LDLRAD3: variants seen among roughly 807,000 people sequenced by gnomAD.
LDLRAD3 encodes low density lipoprotein receptor class A domain containing 3.
In LDLRAD3, 20 loss-of-function variants were observed where a neutral mutation model predicts 29.4. That is an observed-to-expected ratio of 0.68 (90% CI 0.48 to 0.99). The LOEUF (loss-of-function observed/expected upper bound fraction) is 0.99, where lower values mean the gene tolerates loss of function less well. Among genes scored for constraint, LDLRAD3 ranks in the 50% least tolerant of loss-of-function variants. The pLI is 0.00. For missense variants in LDLRAD3, 420 were observed against 454.3 expected (o/e 0.92, Z 0.69); for synonymous variants, 157 against 192.7 (o/e 0.81, Z 1.53).
intron 4 of LDLRAD3, among the ~76,000 whole-genome samples, chr11:36,185,652 G>A (rs559300250): frequency 1.6e-4 from 25 of 152,244 alleles, no homozygotes; most frequent in African/African-American, 6.0e-4. Context: ...GGATTAATTG[G>A]CCTCTCGAGG....
chr11:36,182,830 ATTCCTGGAATGACTGGGGGCTGTGTGTCT>A (rs1164743054), intron 4 of LDLRAD3, among the ~76,000 whole-genome samples: 33 of 152,204 alleles, frequency 2.2e-4, no homozygotes, highest in Non-Finnish European at 4.6e-4. Context: ...TTGGGAAGGC[ATTCCTGGAATGACTGGGGGCTGTGTGTCT>A]CAGTTTAATA....
At chr11:36,149,614 G>T (rs1854247398) in intron 4 of LDLRAD3, among the ~76,000 whole-genome samples, 1 of 152,200 alleles carries the variant, frequency 6.6e-6, no homozygotes, top group Non-Finnish European at 1.5e-5. Flanking sequence ...AAATGTCAGA[G>T]CTGTGAGTCT....
rs114782392 is a variant in LDLRAD3, at chr11:36,042,876, A to G, written c.193+6627A>G. Among the ~76,000 whole-genome samples, 554 of 152,312 alleles carry G rather than the reference A, an allele frequency of 3.6e-3. 4 individuals carry two copies. The highest frequency in any genetic ancestry group is 0.013 in the African/African-American group (540 of 41,580). The stretch of plus-strand genomic sequence containing the variant: ...CCCCCAGAGGGAATCAACCCTGCTA[A>G]CACCTTGATTTCAGACTCCTGGCCA... On this transcript the variant is annotated intron_variant, in intron 2 of 5. Coordinates refer to ENST00000315571, the MANE Select transcript of LDLRAD3 (RefSeq NM_174902.4).
chr11:36,199,143 G>A (rs1026048111), intron 4 of LDLRAD3, among the ~76,000 whole-genome samples: 9 of 151,876 alleles, frequency 5.9e-5, no homozygotes, highest in Middle Eastern at 3.2e-3. Context: ...CTCGTGATCC[G>A]CCCACCTTGG....
intron 4 of LDLRAD3, among the ~76,000 whole-genome samples, chr11:36,145,858 A>G (rs1030906165): frequency 1.3e-5 from 2 of 151,832 alleles, no homozygotes; most frequent in Non-Finnish European, 2.9e-5. Context: ...ACCCAGGGAC[A>G]CAAACACTGC....
chr11:36,203,308 A>G (rs925790906), intron 4 of LDLRAD3, among the ~76,000 whole-genome samples: 25 of 152,186 alleles, frequency 1.6e-4, no homozygotes, highest in African/African-American at 5.6e-4. Context: ...TGATCTTCAC[A>G]AACACCTCAT....
At chr11:36,031,868 C>A (rs1248753494) in intron 1 of LDLRAD3, among the ~76,000 whole-genome samples, 3 of 152,136 alleles carry the variant, frequency 2.0e-5, no homozygotes, top group Non-Finnish European at 4.4e-5. Context: ...TACTTCTGCA[C>A]CAACCTAACA....
At chr11:36,084,117 A>G (rs1318910937) in intron 3 of LDLRAD3, among the ~76,000 whole-genome samples, 1 of 151,854 alleles carries the variant, frequency 6.6e-6, no homozygotes, top group Non-Finnish European at 1.5e-5. Context: ...TAGAGATGAC[A>G]TTTTACCCTG....
chr11:36,004,693 T>C (rs1256206250), intron 1 of LDLRAD3, among the ~76,000 whole-genome samples: 1 of 152,240 alleles, frequency 6.6e-6, no homozygotes, highest in Non-Finnish European at 1.5e-5. Context: ...ATTGCCCTAG[T>C]AGAGGTTCTG....
At chr11:36,211,506 T>C (rs1855283689) in intron 4 of LDLRAD3, among the ~76,000 whole-genome samples, 1 of 152,134 alleles carries the variant, frequency 6.6e-6, no homozygotes, top group Non-Finnish European at 1.5e-5. Context: ...GGAGACCAAG[T>C]AGAGGTTCAC....
intron 3 of LDLRAD3, among the ~76,000 whole-genome samples, chr11:36,084,033 C>G (rs1397241955): frequency 6.6e-6 from 1 of 152,116 alleles, no homozygotes; most frequent in Non-Finnish European, 1.5e-5. Flanking sequence ...ATCCTTCTAC[C>G]TCAGCCTTGT....
intron 1 of LDLRAD3, among the ~76,000 whole-genome samples, chr11:36,016,155 A>T (rs1308222852): frequency 6.6e-6 from 1 of 152,222 alleles, no homozygotes; most frequent in East Asian, 1.9e-4. Flanking sequence ...GCTGGCCAGA[A>T]GGGAGGGGAG....
At chr11:36,144,177 A>C (rs1854133484) in intron 4 of LDLRAD3, among the ~76,000 whole-genome samples, 1 of 151,978 alleles carries the variant, frequency 6.6e-6, no homozygotes, top group African/African-American at 2.4e-5. Flanking sequence ...GTGATCCGCC[A>C]GCCTCGGCCT....
chr11:35,957,367 C>G (rs1430614605), intron 1 of LDLRAD3, among the ~76,000 whole-genome samples: 1 of 152,166 alleles, frequency 6.6e-6, no homozygotes, highest in Admixed American at 6.5e-5. Flanking sequence ...TCTGACCCAC[C>G]CAAGCCAGCA....
chr11:35,997,911 A>G (rs1050339702), intron 1 of LDLRAD3, among the ~76,000 whole-genome samples: 5 of 152,190 alleles, frequency 3.3e-5, no homozygotes, highest in Non-Finnish European at 7.3e-5. Flanking sequence ...TTTCGCTGTC[A>G]TCTGATAATT....
intron 4 of LDLRAD3, among the ~76,000 whole-genome samples, chr11:36,140,528 A>C (rs935613070): frequency 1.3e-5 from 2 of 152,160 alleles, no homozygotes; most frequent in Non-Finnish European, 2.9e-5. Flanking sequence ...TCCCGGGCTC[A>C]AGCGATCCTC....
At chr11:36,041,257 A>AT (rs1852377626) in intron 2 of LDLRAD3, among the ~76,000 whole-genome samples, 1 of 152,192 alleles carries the variant, frequency 6.6e-6, no homozygotes, top group African/African-American at 2.4e-5. Context: ...CATTCTATTG[A>AT]TTCATTTGAT....
chr11:36,132,172 C>T (rs1006206735), intron 4 of LDLRAD3, among the ~76,000 whole-genome samples: 4 of 151,782 alleles, frequency 2.6e-5, no homozygotes, highest in Non-Finnish European at 4.4e-5. Flanking sequence ...AATATGAACA[C>T]GATATTAAGC....
intron 1 of LDLRAD3, among the ~76,000 whole-genome samples, chr11:36,026,678 T>A (rs1431977662): frequency 1.3e-5 from 2 of 152,208 alleles, no homozygotes; most frequent in African/African-American, 4.8e-5. Flanking sequence ...CCTCTGGTCG[T>A]CCTCATTGCT....
Sources: gnomAD v4.1 joint callset for allele counts (sites outside exome capture counted in the v4.1 genomes callset) on GRCh38, gnomAD v4.1.1 for gene constraint, MANE v1.5 for transcripts, NCBI Gene and HGNC (gene_info 2026-07-23, HGNC 2026-07-21) for gene names.